Variants in PPIP5K1 observed in about 807,000 individuals in gnomAD.
The protein encoded by PPIP5K1 is diphosphoinositol pentakisphosphate kinase 1, also known as inositol hexakisphosphate and diphosphoinositol-pentakisphosphate kinase 1.
A neutral mutation model predicts 27.7 loss-of-function variants in PPIP5K1; 6 were observed. The ratio of observed to expected loss-of-function variants is 0.22; its 90% CI spans 0.12 to 0.43. PPIP5K1 has a LOEUF of 0.43. Among genes scored for constraint, PPIP5K1 ranks in the 20% least tolerant of loss-of-function variants. The probability of loss-of-function intolerance (pLI) is 1.00; values close to 1 mark genes in which losing one functional copy is unlikely to be tolerated. For synonymous variants in PPIP5K1, 145 were observed against 242.6 expected, an observed-to-expected ratio of 0.60 and a Z score of 3.74; for missense variants, 394 against 635.4, an observed-to-expected ratio of 0.62 and a Z score of 4.08.
At position 43,558,800 on chromosome 15, in the gene PPIP5K1, G is replaced by T. The variant is rs1167830692; in HGVS notation, c.3551C>A (p.Ser1184Tyr). Reference sequence around the variant, plus strand: ...AAAAATAAGAATATCCCTACCTGCAGATGCCTGTGCCTGGGCATCAGTGTG... The same window carrying T: ...AAAAATAAGAATATCCCTACCTGCATATGCCTGTGCCTGGGCATCAGTGTG... Reference protein sequence around the residue: ...QRHTDAQAQASAALFDSMHSS... With the variant: ...QRHTDAQAQAYAALFDSMHSS... Residue 1184 changes from serine to tyrosine, a missense_variant, in exon 30 of 32, where the codon TCT (serine) becomes TAT (tyrosine). This residue lies in a region of PPIP5K1 where 379 missense variants were observed against 423.9 expected (regional missense o/e 0.89). Transcript: ENST00000420765. The T allele has an allele frequency of 6.2e-7, 1 of 1,613,900 alleles. No homozygotes were observed. Among genetic ancestry groups the T allele is most frequent in the Non-Finnish European group, 8.5e-7 (1 of 1,180,038 alleles).
At chr15:43,556,224 G>A (rs1400574421) in intron 30 of PPIP5K1, among the ~76,000 whole-genome samples, 2 of 152,068 alleles carry the variant, frequency 1.3e-5, no homozygotes, top group Non-Finnish European at 2.9e-5. Flanking sequence ...GGAGGCTGAG[G>A]CAGAAGAATC....
At chr15:43,546,784 G>A (rs758365209) in intron 30 of PPIP5K1, among the ~76,000 whole-genome samples, 4 of 150,164 alleles carry the variant, frequency 2.7e-5, no homozygotes, top group Non-Finnish European at 5.9e-5. Flanking sequence ...AGTCTCCTGA[G>A]TAGCTGGGAC....
At position 43,533,681 on chromosome 15, in the gene PPIP5K1, C is replaced by T. The variant is rs1349366502; in HGVS notation, c.*993G>A. On this transcript the variant is annotated 3_prime_UTR_variant, in exon 32 of 32. Transcript: ENST00000420765. ...TGGTCTTTGGCCAGTCTGTCCCTGG[C>T]ACAACTACAGAAATAAATATATATA... 3 of 152,392 alleles carry T rather than the reference C, an allele frequency of 2.0e-5. No individual in the cohort carries two copies. Among genetic ancestry groups the T allele is most frequent in the South Asian group, 2.1e-4 (1 of 4,812 alleles). 9.4% of individuals were successfully genotyped at this position (152,392 alleles called of 1,614,324 possible). A position where few individuals can be genotyped will look rare whatever the true frequency, so the allele number is the denominator to read the frequency against.
intron 10 of PPIP5K1, among the ~76,000 whole-genome samples, chr15:43,579,879 C>T (rs2084855028): frequency 2.0e-4 from 1 of 5,034 alleles, no homozygotes; most frequent in African/African-American, 3.0e-3. Flanking sequence ...TCACTCTTGT[C>T]ACCCAGGCTG....
At chr15:43,551,605 A>ACTTTTTTTTTTTT (rs1567046997) in intron 30 of PPIP5K1, among the ~76,000 whole-genome samples, 1 of 103,656 alleles carries the variant, frequency 9.6e-6, no homozygotes, top group Non-Finnish European at 1.7e-5. Flanking sequence ...TTCTTGATTC[A>ACTTTTTTTTTTTT]GTTTTTTTTT....
chr15:43,542,058 C>T (rs2080797578), intron 30 of PPIP5K1, among the ~76,000 whole-genome samples: 1 of 152,110 alleles, frequency 6.6e-6, no homozygotes, highest in Admixed American at 6.5e-5. Context: ...TGAAGCTTTC[C>T]CCTTCTGATT....
At position 43,558,743 on chromosome 15, in the gene PPIP5K1, A is replaced by T. The variant is rs2083376799; in HGVS notation, c.3556+52T>A. On this transcript the variant is annotated intron_variant, in intron 30 of 31. Coordinates refer to ENST00000420765, the MANE Select transcript of PPIP5K1 (RefSeq NM_001394395.1). ...ATTTACTACTTTCTTATATTCTAGG[A>T]AGCATGGGCATGGGGGCAGAGAGAA... The T allele has an allele frequency of 3.1e-6, 5 of 1,605,260 alleles. No homozygotes were observed. In the East Asian group the frequency reaches 1.1e-4, roughly 36 times the overall value.
At position 43,535,140 on chromosome 15, in the gene PPIP5K1, C is replaced by T. The variant is rs757534060; in HGVS notation, c.4007G>A (p.Cys1336Tyr). ...CTGGCTGATGTCAGGGACCTTCTGA[C>T]ATGGCTGGCTGAGCGCCTCAGAAAT... Reference protein sequence around the residue: ...QDISEALSQPCQKVPDISQQC... With the variant: ...QDISEALSQPYQKVPDISQQC... Residue 1336 changes from cysteine (C) to tyrosine (Y), a missense_variant, in exon 32 of 32, where the codon TGT (cysteine) becomes TAT (tyrosine). Physicochemically the swap from Cys to Tyr is radical, Grantham distance 194 (BLOSUM62 -2). Around this residue, in one of 4 missense-constraint regions of PPIP5K1, gnomAD observed 379 missense variants for 423.9 expected, o/e 0.89. Transcript: ENST00000420765. 6.9e-5 allele frequency: 112 copies of T among 1,613,474 alleles called. No homozygotes were observed. The South Asian group carries it at 9.6e-4, about 14-fold the overall frequency.
chr15:43,552,528 T>TG (rs2140922841), intron 30 of PPIP5K1, among the ~76,000 whole-genome samples: 1 of 69,428 alleles, frequency 1.4e-5, no homozygotes, highest in African/African-American at 4.3e-5. Context: ...TCTGTCTCTA[T>TG]AAAAAAAAAA....
Position 43,534,873 on chromosome 15 carries a change from A to G in PPIP5K1, c.4274T>C (p.Val1425Ala). The G allele has an allele frequency of 6.2e-7, 1 of 1,613,930 alleles. No homozygotes were observed. Among genetic ancestry groups the G allele is most frequent in the Non-Finnish European group, 8.5e-7 (1 of 1,179,918 alleles). Reference protein sequence around the residue: ...GSLVQETLVEVGSPAEEIPEE... With the variant: ...GSLVQETLVEAGSPAEEIPEE... ...AGGGATCTCTTCAGCTGGGCTGCCA[A>G]CTTCTACAAGGGTTTCCTGGACCAA... The change falls in exon 32 of 32, where the codon GTT becomes GCT. Residue 1425 changes from valine to alanine, a missense_variant. Around this residue, in one of 4 missense-constraint regions of PPIP5K1, gnomAD observed 379 missense variants for 423.9 expected, o/e 0.89. Coordinates refer to ENST00000420765, the MANE Select transcript of PPIP5K1 (RefSeq NM_001394395.1).
intron 30 of PPIP5K1, among the ~76,000 whole-genome samples, chr15:43,548,990 T>C (rs2081765339): frequency 8.1e-6 from 1 of 123,300 alleles, no homozygotes; most frequent in Non-Finnish European, 1.6e-5. Flanking sequence ...ATTGCGCCAC[T>C]GCACCCAAGC....
chr15:43,546,151 T>G lies in PPIP5K1; in HGVS notation c.3557-6568A>C, dbSNP rs532227777. 3.0e-4 allele frequency among the ~76,000 whole-genome samples: 46 copies of G among 152,340 alleles called. 1 individual carries two copies. The South Asian group carries it at 6.6e-3, about 22-fold the overall frequency. ...AAATCATACAATATGTGACTTTTTG[T>G]GTTTGGTTTCTTGCATTTGGCATAA... On this transcript the variant is annotated intron_variant, in intron 30 of 31. Transcript: ENST00000420765.
At chr15:43,556,278 C>T (rs914548084) in intron 30 of PPIP5K1, among the ~76,000 whole-genome samples, 1 of 152,078 alleles carries the variant, frequency 6.6e-6, no homozygotes, top group African/African-American at 2.4e-5. Flanking sequence ...CAAAATCGTG[C>T]CACTGCACTC....
At chr15:43,559,287 T>C (rs2083467793) in intron 29 of PPIP5K1, among the ~76,000 whole-genome samples, 1 of 151,740 alleles carries the variant, frequency 6.6e-6, no homozygotes, top group South Asian at 2.1e-4. Flanking sequence ...GATCCAGAGG[T>C]AAGGGGTGAA....
intron 30 of PPIP5K1, among the ~76,000 whole-genome samples, chr15:43,558,533 T>C (rs1464144297): frequency 6.6e-6 from 1 of 151,986 alleles, no homozygotes; most frequent in East Asian, 1.9e-4. Context: ...GCCTTATTTT[T>C]TTTCAGTAGA....
intron 31 of PPIP5K1, 37 bp from the exon 32 acceptor site, chr15:43,535,513 T>C (rs763620137): frequency 1.3e-6 from 2 of 1,482,932 alleles, no homozygotes; most frequent in Non-Finnish European, 1.8e-6. Flanking sequence ...TTAGAGAAGC[T>C]GGAAGAGTAG....
intron 30 of PPIP5K1, among the ~76,000 whole-genome samples, chr15:43,557,139 C>T (rs954892669): frequency 7.2e-5 from 11 of 152,090 alleles, no homozygotes; most frequent in African/African-American, 7.2e-5. Context: ...ATTTACCCCC[C>T]GTCCATTTAC....
chr15:43,550,577 T>C (rs1323017350), intron 30 of PPIP5K1, among the ~76,000 whole-genome samples: 1 of 146,564 alleles, frequency 6.8e-6, no homozygotes, highest in African/African-American at 2.5e-5. Flanking sequence ...TGAACAGAAA[T>C]ACTTTTATTT....
At chr15:43,542,090 G>A (rs925837083) in intron 30 of PPIP5K1, among the ~76,000 whole-genome samples, 1 of 152,182 alleles carries the variant, frequency 6.6e-6, no homozygotes, top group African/African-American at 2.4e-5. Flanking sequence ...TTTGAGGAAT[G>A]TCTAGTTCTC....
Sources: allele counts gnomAD v4.1 joint callset (sites outside exome capture counted in the v4.1 genomes callset), GRCh38; gene constraint gnomAD v4.1.1; regional missense constraint gnomAD v4.1.1; transcripts MANE v1.5; gene names NCBI Gene and HGNC (gene_info 2026-07-23, HGNC 2026-07-21).